TTC21A: variants seen among roughly 807,000 people sequenced by gnomAD.
TTC21A encodes the protein tetratricopeptide repeat protein 21A.
Under a neutral mutation model 156.4 loss-of-function variants are expected in TTC21A, and 128 were observed. The ratio of observed to expected loss-of-function variants is 0.82; its 90% CI spans 0.71 to 0.95. The LOEUF (loss-of-function observed/expected upper bound fraction) is 0.95. Ranked by LOEUF, TTC21A falls within the 40% of genes least tolerant of loss-of-function variation. TTC21A has a pLI of 0.00. For synonymous variants in TTC21A, 587 were observed against 617.1 expected (o/e 0.95, Z 0.72); for missense variants, 1,435 against 1,602.3 (o/e 0.90, Z 1.78).
Position 39,125,134 on chromosome 3 carries a change from G to A in TTC21A, c.1165G>A (p.Val389Met), listed in dbSNP as rs148183642. 1.9e-4 allele frequency: 312 copies of A among 1,613,920 alleles called. No individual in the cohort carries two copies. The East Asian group carries it at 5.6e-3, about 29-fold the overall frequency. Residue 389 changes from valine to methionine, a missense_variant, in exon 10 of 29, where the codon GTG becomes ATG. Coordinates refer to ENST00000683103, the MANE Select transcript of TTC21A (RefSeq NM_001366900.1). ...GTACCGGCTGGAATTCCTGAAGGAGGTGCAGAAGTCCCTTGGGAAGTCTGA... is the reference window on the plus strand; with the variant it reads ...GTACCGGCTGGAATTCCTGAAGGAGATGCAGAAGTCCCTTGGGAAGTCTGA... ...AEYRLEFLKE[V>M]QKSLGKSEVL...
In TTC21A at chr3:39,133,094, G is replaced by C. The variant is rs756056941; in HGVS notation, c.2605G>C (p.Glu869Gln). The C allele has an allele frequency of 9.9e-6, 16 of 1,614,226 alleles. No individual in the cohort carries two copies. In the South Asian group the frequency reaches 1.6e-4, roughly 17 times the overall value. Residue 869 changes from glutamate (E) to glutamine (Q), a missense_variant, in exon 20 of 29, where the codon GAG (glutamate) becomes CAG (glutamine). By Grantham distance (29) the Glu-to-Gln change is conservative. Coordinates refer to ENST00000683103, the MANE Select transcript of TTC21A (RefSeq NM_001366900.1). ...QSRILKRVPL[E>Q]QPEMIPSQKQ... Reference sequence around the variant, plus strand: ...TCGGATACTGAAGCGAGTTCCACTGGAGCAACCAGAAATGATTCCCTCCCA... The same window carrying C: ...TCGGATACTGAAGCGAGTTCCACTGCAGCAACCAGAAATGATTCCCTCCCA...
At position 39,126,291 on chromosome 3, in the gene TTC21A, C is replaced by T. The variant is rs1393456450; in HGVS notation, c.1423C>T (p.Leu475Phe). ...PRLPGQIVSPLLKQVAVILNP... is the reference protein window; with the variant it reads ...PRLPGQIVSPFLKQVAVILNP... ...GTTACCAGGCCAGATCGTGTCTCCACTTCTTAAACAAGTCGCCGTGATCTT... is the reference window on the plus strand; with the variant it reads ...GTTACCAGGCCAGATCGTGTCTCCATTTCTTAAACAAGTCGCCGTGATCTT... Residue 475 changes from leucine to phenylalanine, a missense_variant, in exon 12 of 29, where the codon CTT (leucine) becomes TTT (phenylalanine). Transcript: ENST00000683103. 6.2e-7 allele frequency: 1 copy of T among 1,614,024 alleles called. No homozygotes were observed. Among genetic ancestry groups the T allele is most frequent in the Non-Finnish European group, 8.5e-7 (1 of 1,180,016 alleles).
chr3:39,128,488 G>T lies in TTC21A; in HGVS notation c.1680G>T (p.Gln560His). 6.2e-7 allele frequency: 1 copy of T among 1,614,094 alleles called. No individual in the cohort carries two copies. Among genetic ancestry groups the T allele is most frequent in the Non-Finnish European group, 8.5e-7 (1 of 1,180,020 alleles). ...AGCTGGGTGTCAGCCACAACTTCCA[G>T]GTGGGTGCCCTCTCATCCTCTCAGC... Reference protein sequence around the residue: ...CLELGVSHNFQVRDHPLYHLI... With the variant: ...CLELGVSHNFHVRDHPLYHLI... The change falls in exon 13 of 29, where the codon CAG becomes CAT. Residue 560 changes from glutamine to histidine, a missense_variant and splice_region_variant. Transcript: ENST00000683103.
rs912831917 is a variant in TTC21A, at chr3:39,126,179, T to C, written c.1393-82T>C. On this transcript the variant is annotated intron_variant, in intron 11 of 28. Transcript: ENST00000683103. ...GTGGAATGAAGCAAAATTCCTTCAC[T>C]GAGAGCATTTTCTGAGAGCTCCAGG... The C allele has an allele frequency of 3.8e-6, 6 of 1,560,358 alleles. No homozygotes were observed. In the African/African-American group the frequency reaches 8.2e-5, roughly 21 times the overall value.
At chr3:39,116,476 G>GCT (rs2037294546) in intron 6 of TTC21A, among the ~76,000 whole-genome samples, 1 of 150,222 alleles carries the variant, frequency 6.7e-6, no homozygotes, top group South Asian at 2.1e-4. Context: ...ATTAATTTCT[G>GCT]CCCCCCCCTT....
intron 9 of TTC21A, among the ~76,000 whole-genome samples, chr3:39,123,508 T>C (rs1249947178): frequency 6.6e-6 from 1 of 152,194 alleles, no homozygotes; most frequent in East Asian, 1.9e-4. Context: ...GATACCCTGC[T>C]ATCCATTATG....
At chr3:39,131,261 C>G (rs563066067) in intron 19 of TTC21A, among the ~76,000 whole-genome samples, 166 bp downstream of exon 19, 10 of 152,316 alleles carry the variant, frequency 6.6e-5, no homozygotes, top group African/African-American at 2.2e-4. Context: ...CGTCCTGGTT[C>G]ATTCAGTTAT....
rs764244462 is a variant in TTC21A, at chr3:39,109,263, C to T, written c.157+49C>T. The T allele has an allele frequency of 1.9e-6, 3 of 1,584,806 alleles. No individual in the cohort carries two copies. In the Admixed American group the frequency reaches 5.1e-5, roughly 27 times the overall value. ...TTGTGACCCCAGGCACTAGCTGGGC[C>T]CTAACACTCTGGCTCCACCTGGATG... On this transcript the variant is annotated intron_variant, in intron 2 of 28. Transcript: ENST00000683103.
In TTC21A at chr3:39,130,416, A is replaced by G. The variant is rs571283659; in HGVS notation, c.2319+58A>G. On this transcript the variant is annotated intron_variant, in intron 17 of 28. Coordinates refer to ENST00000683103, the MANE Select transcript of TTC21A (RefSeq NM_001366900.1). The surrounding 1 kb of genome is among the most constrained non-coding windows in gnomAD (Gnocchi z 4.5). Reference sequence around the variant, plus strand: ...AGGGCCAGCCCAGCAGGGAAGGAGGAGGACGGTACATGACTGGGGAGCTCT... The same window carrying G: ...AGGGCCAGCCCAGCAGGGAAGGAGGGGGACGGTACATGACTGGGGAGCTCT... 134 of 1,400,168 alleles carry G rather than the reference A, an allele frequency of 9.6e-5. No individual in the cohort carries two copies. The African/African-American group carries it at 1.6e-3, about 17-fold the overall frequency. 86.7% of individuals were successfully genotyped at this position (1,400,168 alleles called of 1,614,324 possible).
intron 11 of TTC21A, 113 bp from the exon 12 acceptor site, chr3:39,126,148 A>G (rs1277566180): frequency 7.6e-6 from 10 of 1,324,050 alleles, no homozygotes; most frequent in East Asian, 7.0e-5. Context: ...AGGATAATAA[A>G]TAAGTGTGGA....
intron 15 of TTC21A, among the ~76,000 whole-genome samples, chr3:39,129,568 G>A (rs2038565122): frequency 6.6e-6 from 1 of 152,246 alleles, no homozygotes; most frequent in Non-Finnish European, 1.5e-5. Context: ...GCTAGTGGGA[G>A]ACTGTAGGCC....
chr3:39,125,001 C>A, intron 9 of TTC21A, 62 bp from the exon 10 acceptor site: 1 of 1,082,270 alleles, frequency 9.2e-7, no homozygotes, highest in Non-Finnish European at 1.4e-6. Flanking sequence ...GCCCCTTGAC[C>A]TGATGGGCTG....
chr3:39,109,920 G>T, intron 2 of TTC21A, 109 bp from the exon 3 acceptor site: 2 of 753,310 alleles, frequency 2.7e-6, no homozygotes, highest in South Asian at 1.7e-5. Flanking sequence ...GGACCTTTCA[G>T]ACCAGTTAGT....
At chr3:39,138,437 G>A (rs780806267) in intron 27 of TTC21A, 50 bp downstream of exon 27, 3 of 1,613,454 alleles carry the variant, frequency 1.9e-6, no homozygotes, top group Admixed American at 1.7e-5. Flanking sequence ...AGGGAGGTGG[G>A]CAGGAGGGCC....
Position 39,130,520 on chromosome 3 carries a change from G to C in TTC21A, c.2319+162G>C. On this transcript the variant is annotated intron_variant, in intron 17 of 28. Transcript: ENST00000683103. This position sits in a 1 kb window ranked among gnomAD's most constrained non-coding sequence, Gnocchi z 4.5. ...CAAGGGGAGAACTCAGCAACTCTCTGCTGCTGACCACACCTGCTTAAGCTG... is the reference window on the plus strand; with the variant it reads ...CAAGGGGAGAACTCAGCAACTCTCTCCTGCTGACCACACCTGCTTAAGCTG... The C allele has an allele frequency of 1.0e-6, 1 of 972,906 alleles. No individual in the cohort carries two copies. Among genetic ancestry groups the C allele is most frequent in the Non-Finnish European group, 1.5e-6 (1 of 650,448 alleles). The allele number at this position is 972,906 out of a possible 1,614,324, so 60.3% of individuals were successfully genotyped here. A position where few individuals can be genotyped will look rare whatever the true frequency, so the allele number is the denominator to read the frequency against.
intron 20 of TTC21A, among the ~76,000 whole-genome samples, chr3:39,133,635 G>T (rs1263030822): frequency 2.6e-5 from 4 of 152,198 alleles, no homozygotes; most frequent in Admixed American, 1.3e-4. Flanking sequence ...TTGTGAGGGA[G>T]GTGTGGCTCC....
chr3:39,138,150 TA>T, intron 26 of TTC21A, 116 bp from the exon 27 acceptor site: 1 of 1,510,716 alleles, frequency 6.6e-7, no homozygotes, highest in Non-Finnish European at 9.0e-7. Flanking sequence ...CAGTTTGGTT[TA>T]TGGCAGCTCA....
At position 39,137,592 on chromosome 3, in the gene TTC21A, T is replaced by G; in HGVS notation, c.3557T>G (p.Val1186Gly). ...QLKRLAKTPWVLSEAEDLEKS... is the reference protein window; with the variant it reads ...QLKRLAKTPWGLSEAEDLEKS... ...AAGCGCCTGGCCAAGACCCCCTGGGTGCTGAGTGAGGCTGAGGACCTGGAG... is the reference window on the plus strand; with the variant it reads ...AAGCGCCTGGCCAAGACCCCCTGGGGGCTGAGTGAGGCTGAGGACCTGGAG... Residue 1186 changes from valine to glycine, a missense_variant, in exon 26 of 29, where the codon GTG (valine) becomes GGG (glycine). Physicochemically the swap from Val to Gly is moderately radical, Grantham distance 109. Coordinates refer to ENST00000683103, the MANE Select transcript of TTC21A (RefSeq NM_001366900.1). 2 of 1,614,188 alleles carry G rather than the reference T, an allele frequency of 1.2e-6. No homozygotes were observed. The highest frequency in any genetic ancestry group is 1.7e-6 in the Non-Finnish European group (2 of 1,180,020).
chr3:39,121,330 C>T, intron 9 of TTC21A, 141 bp downstream of exon 9: 1 of 690,368 alleles, frequency 1.4e-6, no homozygotes, highest in South Asian at 1.9e-5. Flanking sequence ...GATGGGGTAT[C>T]TTTCTGGGAA....
Sources: gnomAD v4.1 joint callset for allele counts (sites outside exome capture counted in the v4.1 genomes callset) on GRCh38, gnomAD v4.1.1 for gene constraint, Gnocchi (gnomAD v3.1) non-coding constraint, MANE v1.5 for transcripts, NCBI Gene and HGNC (gene_info 2026-07-23, HGNC 2026-07-21) for gene names.